Variants in PIGU observed in about 807,000 individuals in gnomAD.
PIGU encodes the protein phosphatidylinositol glycan anchor biosynthesis class U.
A neutral mutation model predicts 49.9 loss-of-function variants in PIGU; 24 were observed. That is an observed-to-expected ratio of 0.48 (90% CI 0.35 to 0.68). PIGU has a LOEUF of 0.68. PIGU is among the 30% of genes least tolerant of loss of function. The pLI is 0.01. For synonymous variants in PIGU, 220 were observed against 205.7 expected, an observed-to-expected ratio of 1.07 and a Z score of -0.59; for missense variants, 490 against 532.6, an observed-to-expected ratio of 0.92 and a Z score of 0.79.
chr20:34,632,192 T>A lies in PIGU; in HGVS notation c.529+2423A>T, dbSNP rs1444063945. On this transcript the variant is annotated intron_variant, in intron 6 of 11. Coordinates refer to ENST00000217446, the MANE Select transcript of PIGU (RefSeq NM_080476.5). The stretch of plus-strand genomic sequence containing the variant: ...AAAAACTGGGTTATATCCATGACCA[T>A]AAAACTGCTCAATAGCTACCAAGAT... Among the ~76,000 whole-genome samples the A allele has an allele frequency of 3.3e-5, 5 of 151,866 alleles. No individual in the cohort carries two copies. In the East Asian group the frequency reaches 9.8e-4, roughly 30 times the overall value.
intron 11 of PIGU, 71 bp from the exon 12 acceptor site, chr20:34,561,050 G>A: frequency 8.7e-7 from 1 of 1,145,378 alleles, no homozygotes. Flanking sequence ...TGAACTGCTG[G>A]CAGGTGTTGT....
chr20:34,650,924 G>C (rs957155667), intron 2 of PIGU, among the ~76,000 whole-genome samples: 6 of 150,886 alleles, frequency 4.0e-5, no homozygotes, highest in Non-Finnish European at 8.9e-5. Context: ...ATGTTGCTTA[G>C]GTTGGTTTTG....
At chr20:34,670,712 G>GT (rs1987282471) in intron 1 of PIGU, among the ~76,000 whole-genome samples, 1 of 151,952 alleles carries the variant, frequency 6.6e-6, no homozygotes, top group Non-Finnish European at 1.5e-5. Flanking sequence ...CCTAATTTTT[G>GT]TATTTCTTTT....
chr20:34,641,136 C>A (rs1027530407), intron 4 of PIGU, among the ~76,000 whole-genome samples: 2 of 152,196 alleles, frequency 1.3e-5, no homozygotes, highest in Admixed American at 6.5e-5. Context: ...CCAGGCTGGT[C>A]TTGAACTCCT....
chr20:34,610,721 G>T (rs944166813), intron 7 of PIGU, among the ~76,000 whole-genome samples: 3 of 152,028 alleles, frequency 2.0e-5, no homozygotes, highest in African/African-American at 7.2e-5. Flanking sequence ...ATTTCATATG[G>T]AACCCCAAAA....
chr20:34,571,010 A>T (rs1346922409), intron 11 of PIGU, among the ~76,000 whole-genome samples: 1 of 152,238 alleles, frequency 6.6e-6, no homozygotes, highest in African/African-American at 2.4e-5. Flanking sequence ...TAATGGCAAC[A>T]GGACCCACAA....
intron 11 of PIGU, among the ~76,000 whole-genome samples, chr20:34,561,965 G>A (rs1160461443): frequency 1.4e-4 from 21 of 152,148 alleles, no homozygotes; most frequent in Admixed American, 1.3e-3. Flanking sequence ...CCCTGGCCCG[G>A]GGCCTCCATC....
At chr20:34,670,080 TTC>T (rs1265114284) in intron 1 of PIGU, among the ~76,000 whole-genome samples, 2 of 152,204 alleles carry the variant, frequency 1.3e-5, no homozygotes, top group Non-Finnish European at 2.9e-5. Context: ...AGTGGCAAAG[TTC>T]TGATTCTTGA....
intron 1 of PIGU, among the ~76,000 whole-genome samples, chr20:34,664,976 T>C (rs1233573389): frequency 6.6e-6 from 1 of 151,484 alleles, no homozygotes. Context: ...CCAGACCCCG[T>C]CTCAAAAAAA....
chr20:34,566,399 C>CT (rs750734725), intron 11 of PIGU, among the ~76,000 whole-genome samples: 8 of 152,238 alleles, frequency 5.3e-5, no homozygotes, highest in Non-Finnish European at 1.2e-4. Context: ...ACATTCCTCT[C>CT]TATGGCAGCC....
chr20:34,605,574 T>G (rs1984580619), intron 7 of PIGU, among the ~76,000 whole-genome samples: 1 of 152,214 alleles, frequency 6.6e-6, no homozygotes, highest in East Asian at 1.9e-4. Context: ...TCTAAACACT[T>G]GACATGTATT....
At chr20:34,561,066 G>A in intron 11 of PIGU, 87 bp from the exon 12 acceptor site, 1 of 896,454 alleles carries the variant, frequency 1.1e-6, no homozygotes, top group Non-Finnish European at 1.7e-6. Flanking sequence ...GTTGTTGGAA[G>A]ACAGGAACGC....
At chr20:34,602,374 A>T (rs1197655018) in intron 7 of PIGU, among the ~76,000 whole-genome samples, 3 of 151,978 alleles carry the variant, frequency 2.0e-5, no homozygotes, top group Non-Finnish European at 2.9e-5. Flanking sequence ...AGGTGGGCGG[A>T]TGACTTGAGG....
intron 2 of PIGU, among the ~76,000 whole-genome samples, chr20:34,646,753 G>C (rs797010265): frequency 6.6e-5 from 10 of 152,198 alleles, no homozygotes; most frequent in African/African-American, 2.2e-4. Context: ...CTAACTTCCA[G>C]TAACATTTCT....
chr20:34,589,093 ATAC>A (rs758350505), intron 7 of PIGU, among the ~76,000 whole-genome samples: 7 of 144,396 alleles, frequency 4.8e-5, no homozygotes, highest in Non-Finnish European at 1.1e-4. Flanking sequence ...ATACCAAATA[ATAC>A]TATTATTTAC....
At chr20:34,653,304 C>T (rs1460207740) in intron 2 of PIGU, among the ~76,000 whole-genome samples, 1 of 152,104 alleles carries the variant, frequency 6.6e-6, no homozygotes, top group Non-Finnish European at 1.5e-5. Flanking sequence ...TATATCTTTG[C>T]TGATTTTATG....
At chr20:34,658,405 C>T (rs1356811107) in intron 1 of PIGU, among the ~76,000 whole-genome samples, 2 of 152,314 alleles carry the variant, frequency 1.3e-5, no homozygotes, top group East Asian at 3.9e-4. Flanking sequence ...AGCCTCTGCC[C>T]GGCCGCCACC....
intron 1 of PIGU, among the ~76,000 whole-genome samples, chr20:34,674,780 T>A (rs1218727908): frequency 2.0e-5 from 3 of 150,726 alleles, no homozygotes; most frequent in South Asian, 2.1e-4. Context: ...TACAAAAAAA[T>A]AATAATAATA....
At chr20:34,575,313 G>GC (rs1983181007) in intron 10 of PIGU, 67 bp from the exon 11 acceptor site, 2 of 1,558,718 alleles carry the variant, frequency 1.3e-6, no homozygotes, top group Admixed American at 1.8e-5. Context: ...TGCTGCAATG[G>GC]CCCCCCTGAA....
Sources: gnomAD v4.1 joint callset for allele counts (sites outside exome capture counted in the v4.1 genomes callset) on GRCh38, gnomAD v4.1.1 for gene constraint, MANE v1.5 for transcripts, NCBI Gene and HGNC (gene_info 2026-07-23, HGNC 2026-07-21) for gene names.